The following CBR4 variants were observed in gnomAD, a reference collection of about 807,000 sequenced individuals.
CBR4 encodes carbonyl reductase 4, also known as 3-oxoacyl-[acyl-carrier-protein] reductase.
A neutral mutation model predicts 21.0 loss-of-function variants in CBR4; 22 were observed. That is an observed-to-expected ratio of 1.05 (90% CI 0.75 to 1.50). The LOEUF is 1.50. Among genes scored for constraint, CBR4 ranks in the 40% most tolerant of loss-of-function variants. CBR4 has a pLI of 0.00. For synonymous variants in CBR4, 100 were observed against 104.4 expected (o/e 0.96, Z 0.26); for missense variants, 302 against 286.3 (o/e 1.05, Z -0.40).
At chr4:169,006,253 T>C (rs1730903701) in intron 3 of CBR4, among the ~76,000 whole-genome samples, 1 of 152,088 alleles carries the variant, frequency 6.6e-6, no homozygotes, top group Admixed American at 6.5e-5. Flanking sequence ...GTGGCTCACC[T>C]CTATAATCCC....
At chr4:168,992,999 A>C (rs1764997501) in intron 4 of CBR4, among the ~76,000 whole-genome samples, 1 of 152,200 alleles carries the variant, frequency 6.6e-6, no homozygotes, top group Non-Finnish European at 1.5e-5. Context: ...CTTTAAGAAG[A>C]ATGAGAAGGC....
Position 168,977,177 on chromosome 4 carries a change from C to T in CBR4, n.169+24894G>A, listed in dbSNP as rs544269613. 2.0e-5 allele frequency among the ~76,000 whole-genome samples: 3 copies of T among 152,050 alleles called. No homozygotes were observed. In the South Asian group the frequency reaches 6.2e-4, roughly 31 times the overall value. On this transcript the variant is annotated intron_variant and non_coding_transcript_variant, in intron 2 of 3. Coordinates refer to the CBR4 transcript ENST00000509108. Reference sequence around the variant, plus strand: ...TCTGTCCATCTAAGCGGGAGCTGCACATTAGTCCTGTCTCCTATCTGCCAT... The same window carrying T: ...TCTGTCCATCTAAGCGGGAGCTGCATATTAGTCCTGTCTCCTATCTGCCAT...
intron 2 of CBR4, among the ~76,000 whole-genome samples, chr4:168,906,411 A>G (rs913041619): frequency 6.6e-6 from 1 of 152,194 alleles, no homozygotes; most frequent in African/African-American, 2.4e-5. Flanking sequence ...CTCATGGCCA[A>G]TGGCAGTGTG....
intron 2 of CBR4, among the ~76,000 whole-genome samples, chr4:168,970,831 A>G (rs920959707): frequency 1.0e-5 from 1 of 97,142 alleles, no homozygotes; most frequent in Non-Finnish European, 2.4e-5. Flanking sequence ...GTAGTAGTCC[A>G]TGATATATAT....
rs187110992 is a variant in CBR4 at position 168,904,668 on chromosome 4, C to T, written n.170-9903G>A. On this transcript the variant is annotated intron_variant and non_coding_transcript_variant, in intron 2 of 3. Transcript: ENST00000509108. ...CTGCAAAAGTAGTATAAATAACACA[C>T]TTTTAAAAAGAAAAAAAAAGGCATG... Among the ~76,000 whole-genome samples the T allele has an allele frequency of 4.8e-3, 732 of 151,728 alleles. 8 individuals carry two copies. Among genetic ancestry groups the T allele is most frequent in the Admixed American group, 5.5e-3 (84 of 15,246 alleles).
At chr4:168,991,563 A>C (rs981481797) in intron 4 of CBR4, among the ~76,000 whole-genome samples, 1 of 152,216 alleles carries the variant, frequency 6.6e-6, no homozygotes, top group Non-Finnish European at 1.5e-5. Context: ...AAAATGTTCT[A>C]AAGAATGTAT....
At chr4:168,958,572 G>T (rs1445140762) in intron 2 of CBR4, among the ~76,000 whole-genome samples, 1 of 152,140 alleles carries the variant, frequency 6.6e-6, no homozygotes, top group Non-Finnish European at 1.5e-5. Flanking sequence ...TTTATATTGG[G>T]AAAATATGTA....
intron 2 of CBR4, among the ~76,000 whole-genome samples, chr4:168,939,850 A>G (rs1344157764): frequency 6.6e-6 from 1 of 152,224 alleles, no homozygotes; most frequent in East Asian, 1.9e-4. Context: ...TATCATGAAA[A>G]TGGCCATACT....
downstream of CBR4, among the ~76,000 whole-genome samples, chr4:168,985,257 G>A (rs767611307): frequency 2.5e-4 from 38 of 152,054 alleles, no homozygotes; most frequent in Non-Finnish European, 5.0e-4. Flanking sequence ...CTCAAAAGAA[G>A]ACATACGTGC....
At chr4:168,965,621 G>A (rs1451662206) in intron 2 of CBR4, among the ~76,000 whole-genome samples, 1 of 152,026 alleles carries the variant, frequency 6.6e-6, no homozygotes, top group Non-Finnish European at 1.5e-5. Flanking sequence ...TCTGATCTTT[G>A]ACAAACCTGA....
chr4:168,987,454 G>A (rs970288149), downstream of CBR4: 1 of 165,906 alleles, frequency 6.0e-6, no homozygotes, highest in East Asian at 1.9e-4. Context: ...CTCAGTATCT[G>A]TTGAGTTACT....
At chr4:168,948,657 G>A (rs918632071) in intron 2 of CBR4, among the ~76,000 whole-genome samples, 10 of 152,066 alleles carry the variant, frequency 6.6e-5, no homozygotes, top group Non-Finnish European at 1.3e-4. Context: ...GTGCTTTGTC[G>A]AAGATCAGTT....
At position 169,009,823 on chromosome 4, in the gene CBR4, T is replaced by G. The variant is rs977696583; in HGVS notation, c.142+125A>C. 3.9e-4 allele frequency: 333 copies of G among 860,960 alleles called. 3 individuals carry two copies. The highest frequency in any genetic ancestry group is 5.2e-4 in the Non-Finnish European group (302 of 578,790). The allele number at this position is 860,960 out of a possible 1,614,324, so 53.3% of individuals were successfully genotyped here. A position where few individuals can be genotyped will look rare whatever the true frequency, so the allele number is the denominator to read the frequency against. ...TCTACCCTTGGAACGGGAGAGCGCC[T>G]GCACGCGGCTACATCGAGTAACCCT... On this transcript the variant is annotated intron_variant, in intron 1 of 4. Transcript: ENST00000306193.
intron 2 of CBR4, among the ~76,000 whole-genome samples, chr4:168,971,436 A>ATTTTTTTTTTTTTTTT (rs70961566): frequency 2.6e-5 from 3 of 114,118 alleles, no homozygotes; most frequent in Admixed American, 9.2e-5. Context: ...TGCCCAGCTC[A>ATTTTTTTTTTTTTTTT]TTTTTTTTTT....
chr4:169,007,997 A>T (rs1171277095), intron 1 of CBR4, among the ~76,000 whole-genome samples: 1 of 152,206 alleles, frequency 6.6e-6, no homozygotes, highest in Non-Finnish European at 1.5e-5. Flanking sequence ...TTTTTAATCA[A>T]CAAAGGGGGG....
At chr4:168,957,329 A>C (rs184259721) in intron 2 of CBR4, among the ~76,000 whole-genome samples, 1 of 152,194 alleles carries the variant, frequency 6.6e-6, no homozygotes, top group African/African-American at 2.4e-5. Flanking sequence ...ACACTAGATG[A>C]CATATGACTA....
At chr4:168,908,504 A>C (rs1324418401) in intron 2 of CBR4, among the ~76,000 whole-genome samples, 1 of 152,196 alleles carries the variant, frequency 6.6e-6, no homozygotes, top group Non-Finnish European at 1.5e-5. Context: ...GTGAAAAAAA[A>C]ATTCAAAATA....
chr4:168,907,630 T>A (rs1758082736), intron 2 of CBR4, among the ~76,000 whole-genome samples: 2 of 152,178 alleles, frequency 1.3e-5, no homozygotes. Flanking sequence ...AGAGAGTGGT[T>A]ACTGCCCTTA....
Position 169,007,734 on chromosome 4 carries a change from A to G in CBR4, c.165T>C (p.Cys55=), listed in dbSNP as rs1287597885. The change falls in exon 2 of 5, where the codon TGT becomes TGC. Residue 55 remains cysteine, a synonymous_variant. Coordinates refer to ENST00000306193, the MANE Select transcript of CBR4 (RefSeq NM_032783.5). ...DLGGDHLAFS[C]DVAKEHDVQN... ...GAACATCATGTTCTTTAGCAACATC[A>G]CAGCTAAATGCCAAATGATCTCCTA... 4 of 1,585,646 alleles carry G rather than the reference A, an allele frequency of 2.5e-6. No individual in the cohort carries two copies. The highest frequency in any genetic ancestry group is 3.4e-6 in the Non-Finnish European group (4 of 1,169,050).
Sources: allele counts gnomAD v4.1 joint callset (sites outside exome capture counted in the v4.1 genomes callset), GRCh38; gene constraint gnomAD v4.1.1; transcripts MANE v1.5; gene names NCBI Gene and HGNC (gene_info 2026-07-23, HGNC 2026-07-21).